The following GALNT14 variants were observed in gnomAD, a reference collection of about 807,000 sequenced individuals.
GALNT14 encodes the protein polypeptide N-acetylgalactosaminyltransferase 14.
GALNT14 carries 60 observed loss-of-function variants against 77.5 expected under a neutral mutation model. The ratio of observed to expected loss-of-function variants is 0.77; its 90% confidence interval spans 0.63 to 0.96. GALNT14 has a LOEUF of 0.96. GALNT14 is among the 40% of genes least tolerant of loss of function. The pLI is 0.00. For missense variants in GALNT14, 710 were observed against 731.0 expected, an observed-to-expected ratio of 0.97 and a Z score of 0.33; for synonymous variants, 280 against 281.7, an observed-to-expected ratio of 0.99 and a Z score of 0.06.
chr2:31,035,606 CACACACACACCT>C (rs1271726538), intron 1 of GALNT14, among the ~76,000 whole-genome samples: 4,272 of 49,682 alleles, frequency 0.086, 287 homozygotes, highest in African/African-American at 0.27. Flanking sequence ...CATATACACA[CACACACACACCT>C]ACACACACAC....
At chr2:30,989,592 AT>A (rs1463953448) in intron 2 of GALNT14, among the ~76,000 whole-genome samples, 4 of 139,520 alleles carry the variant, frequency 2.9e-5, no homozygotes, top group African/African-American at 1.1e-4. Flanking sequence ...AAAAATATAT[AT>A]ATTAGTAGAT....
chr2:30,924,324 A>G (rs1665222000), intron 12 of GALNT14, 61 bp from the exon 13 acceptor site: 2 of 1,565,536 alleles, frequency 1.3e-6, no homozygotes, highest in East Asian at 2.2e-5. Context: ...CAAGACTACC[A>G]GCTGGAGAGG....
chr2:31,054,152 T>G (rs1674069666), intron 1 of GALNT14, among the ~76,000 whole-genome samples: 1 of 152,228 alleles, frequency 6.6e-6, no homozygotes, highest in Non-Finnish European at 1.5e-5. Context: ...AACAGGCCAC[T>G]TCGAGGAAGT....
chr2:31,111,994 G>GCTTTTTTT (rs1390531420), intron 1 of GALNT14, among the ~76,000 whole-genome samples: 2 of 136,100 alleles, frequency 1.5e-5, no homozygotes, highest in Non-Finnish European at 3.0e-5. Context: ...CTGTGTACTT[G>GCTTTTTTT]CTTTTTTTTT....
At chr2:30,953,705 C>T (rs1667181620) in intron 6 of GALNT14, among the ~76,000 whole-genome samples, 1 of 152,104 alleles carries the variant, frequency 6.6e-6, no homozygotes, top group Non-Finnish European at 1.5e-5. Context: ...CAGTGTGGCA[C>T]CAGTGCACAA....
chr2:31,116,448 T>C (rs895176307), intron 1 of GALNT14, among the ~76,000 whole-genome samples: 2 of 152,036 alleles, frequency 1.3e-5, no homozygotes, highest in African/African-American at 4.8e-5. Flanking sequence ...TAAAAATAGA[T>C]GGTCAAATGC....
At chr2:30,987,389 AC>A (rs1176718936) in intron 2 of GALNT14, among the ~76,000 whole-genome samples, 5 of 152,092 alleles carry the variant, frequency 3.3e-5, no homozygotes, top group African/African-American at 1.2e-4. Flanking sequence ...ACTGCCAAGG[AC>A]CCTGGAAATC....
At chr2:31,027,340 C>T (rs1254725067) in intron 1 of GALNT14, among the ~76,000 whole-genome samples, 1 of 151,028 alleles carries the variant, frequency 6.6e-6, no homozygotes, top group African/African-American at 2.4e-5. Flanking sequence ...TAACTTGTAC[C>T]TGGGAGGCAG....
intron 2 of GALNT14, 109 bp downstream of exon 2, chr2:30,992,729 G>T: frequency 1.6e-6 from 2 of 1,271,416 alleles, no homozygotes; most frequent in South Asian, 1.4e-5. Context: ...GCAGCAGATG[G>T]TCCAGCCCGG....
At chr2:31,017,386 T>A (rs978969588) in intron 1 of GALNT14, among the ~76,000 whole-genome samples, 2 of 152,234 alleles carry the variant, frequency 1.3e-5, no homozygotes, top group African/African-American at 2.4e-5. Context: ...CACTATGATC[T>A]TAATGACAGC....
chr2:30,897,991 A>C, the GALNT14 span, among the ~76,000 whole-genome samples: 1 of 152,152 alleles, frequency 6.6e-6, no homozygotes, highest in Non-Finnish European at 1.5e-5. Context: ...GAGTGCAATG[A>C]ACTGAAGGTT....
chr2:31,134,377 G>T (rs1164493156), intron 1 of GALNT14, among the ~76,000 whole-genome samples: 1 of 152,264 alleles, frequency 6.6e-6, no homozygotes, highest in Non-Finnish European at 1.5e-5. Flanking sequence ...CAAGGCTTCA[G>T]CATGTCCAAG....
intron 10 of GALNT14, among the ~76,000 whole-genome samples, chr2:30,931,193 A>C (rs1272632563): frequency 6.6e-6 from 1 of 152,102 alleles, no homozygotes; most frequent in Non-Finnish European, 1.5e-5. Flanking sequence ...GCTCAAACCC[A>C]TGTCTCCTCA....
chr2:31,041,519 T>C (rs547398258), intron 1 of GALNT14, among the ~76,000 whole-genome samples: 7 of 152,206 alleles, frequency 4.6e-5, no homozygotes, highest in Non-Finnish European at 4.4e-5. Context: ...AGTAAAAGTT[T>C]CATCATGGCT....
chr2:30,989,560 T>TTATATATATATATA (rs57594110), intron 2 of GALNT14, among the ~76,000 whole-genome samples: 57 of 87,088 alleles, frequency 6.5e-4, no homozygotes, highest in Middle Eastern at 5.6e-3. Context: ...GGTAAATACC[T>TTATATATATATATA]TATATATATA....
chr2:31,125,169 C>T, intron 1 of GALNT14: 2 of 1,550,304 alleles, frequency 1.3e-6, no homozygotes, highest in African/African-American at 1.4e-5. Flanking sequence ...GGAAGATGCC[C>T]TCTTTGGTAG....
chr2:30,999,939 C>G (rs1051670231), intron 1 of GALNT14, among the ~76,000 whole-genome samples: 5 of 152,198 alleles, frequency 3.3e-5, no homozygotes, highest in Admixed American at 1.3e-4. Context: ...TCATGCTCCT[C>G]CCCAAGAGAG....
the GALNT14 span, among the ~76,000 whole-genome samples, chr2:30,902,610 A>G: frequency 6.6e-6 from 1 of 152,128 alleles, no homozygotes; most frequent in Non-Finnish European, 1.5e-5. Context: ...GGTGTTTGAG[A>G]AACACCCAAC....
chr2:30,909,993 A>T (rs1461408853), downstream of GALNT14, among the ~76,000 whole-genome samples: 1 of 146,492 alleles, frequency 6.8e-6, no homozygotes, highest in African/African-American at 2.5e-5. Context: ...TCTCACTCAC[A>T]GGTGGGAATT....
Sources: allele counts gnomAD v4.1 joint callset (sites outside exome capture counted in the v4.1 genomes callset), GRCh38; gene constraint gnomAD v4.1.1; transcripts MANE v1.5; gene names NCBI Gene and HGNC (gene_info 2026-07-23, HGNC 2026-07-21).